MOV10L1: variants seen among roughly 807,000 people sequenced by gnomAD.
The protein encoded by MOV10L1 is Mov10 like RNA helicase 1.
MOV10L1 carries 110 observed loss-of-function variants against 143.8 expected under a neutral mutation model. That is an observed-to-expected ratio of 0.76 (90% CI 0.66 to 0.90). The LOEUF (loss-of-function observed/expected upper bound fraction) is 0.90, where lower values mean the gene tolerates loss of function less well. Among genes scored for constraint, MOV10L1 ranks in the 40% least tolerant of loss-of-function variants. MOV10L1 has a pLI of 0.00. For synonymous variants in MOV10L1, 593 were observed against 581.1 expected (o/e 1.02, Z -0.29); for missense variants, 1,406 against 1,526.8 (o/e 0.92, Z 1.32).
chr22:50,128,608 A>G lies in MOV10L1; in HGVS notation c.1910+101A>G, dbSNP rs2062583449. ...TGCCCAGGCTGGATTTCAGTGGCGCAATCTCGGCTCACTGCAACCTCCGCC... is the reference window on the plus strand; with the variant it reads ...TGCCCAGGCTGGATTTCAGTGGCGCGATCTCGGCTCACTGCAACCTCCGCC... On this transcript the variant is annotated intron_variant, in intron 13 of 26. Transcript: ENST00000262794. 1.2e-5 allele frequency: 8 copies of G among 657,112 alleles called. 1 individual carries two copies. In the East Asian group the frequency reaches 2.1e-4, roughly 17 times the overall value. 40.7% of individuals were successfully genotyped at this position (657,112 alleles called of 1,614,324 possible). A position where few individuals can be genotyped will look rare whatever the true frequency, so the allele number is the denominator to read the frequency against.
rs3736689 is a variant in MOV10L1 at position 50,134,607 on chromosome 22, A to G, written c.2047A>G (p.Ser683Gly). The G allele has an allele frequency of 2.1e-4, 336 of 1,614,250 alleles. 1 individual carries two copies. The East Asian group carries it at 6.6e-3, about 32-fold the overall frequency. The stretch of plus-strand genomic sequence containing the variant: ...GAACCATGCACAAGACACCAAAAGC[A>G]GTGGACAGTCCACCAGCAAAAAGGT... Reference protein sequence around the residue: ...NWNHAQDTKSSGQSTSKKNRK... With the variant: ...NWNHAQDTKSGGQSTSKKNRK... Residue 683 changes from serine (S) to glycine (G), a missense_variant, in exon 15 of 27, where the codon AGT becomes GGT. Around this residue, in one of 3 missense-constraint regions of MOV10L1, gnomAD observed 1,233 missense variants for 1,351.4 expected, o/e 0.91. Coordinates refer to ENST00000262794, the MANE Select transcript of MOV10L1 (RefSeq NM_018995.3).
In MOV10L1 at chr22:50,103,365, T is replaced by C. The variant is rs563120328; in HGVS notation, c.442+3763T>C. Reference sequence around the variant, plus strand: ...TTATACACGAATGTCTGGTAAACCCTCTGCCATTTGGATGAAGGCAGCTAA... The same window carrying C: ...TTATACACGAATGTCTGGTAAACCCCCTGCCATTTGGATGAAGGCAGCTAA... On this transcript the variant is annotated intron_variant, in intron 3 of 26. Transcript: ENST00000262794. Among the ~76,000 whole-genome samples, 15 of 152,314 alleles carry C rather than the reference T, an allele frequency of 9.8e-5. No homozygotes were observed. In the East Asian group the frequency reaches 2.3e-3, roughly 23 times the overall value.
intron 3 of MOV10L1, among the ~76,000 whole-genome samples, chr22:50,102,332 C>G (rs987434233): frequency 1.4e-4 from 21 of 152,240 alleles, no homozygotes; most frequent in Admixed American, 1.3e-3. Flanking sequence ...CTCCTCCCCA[C>G]AGGATGGTCG....
intron 13 of MOV10L1, among the ~76,000 whole-genome samples, chr22:50,128,805 A>C (rs1467976384): frequency 6.7e-6 from 1 of 150,078 alleles, no homozygotes; most frequent in Non-Finnish European, 1.5e-5. Context: ...GGCCTCCCAA[A>C]GTGCTGGGAT....
chr22:50,131,154 C>G (rs760244439), intron 13 of MOV10L1, among the ~76,000 whole-genome samples: 1 of 151,698 alleles, frequency 6.6e-6, no homozygotes, highest in Non-Finnish European at 1.5e-5. Flanking sequence ...GTGATCTGCC[C>G]ACCTTGGCCT....
chr22:50,160,251 TTC>T (rs1279942374), intron 24 of MOV10L1, among the ~76,000 whole-genome samples: 2 of 145,892 alleles, frequency 1.4e-5, no homozygotes, highest in Admixed American at 1.4e-4. Context: ...CTTTTTTTCT[TTC>T]TTTTTTTTTT....
intron 3 of MOV10L1, among the ~76,000 whole-genome samples, chr22:50,106,528 A>G (rs1029475361): frequency 2.0e-5 from 3 of 151,998 alleles, no homozygotes; most frequent in Non-Finnish European, 4.4e-5. Flanking sequence ...AACGTATAGA[A>G]CTAGTACATT....
At chr22:50,127,139 G>C (rs1335437436) in intron 12 of MOV10L1, among the ~76,000 whole-genome samples, 1 of 152,114 alleles carries the variant, frequency 6.6e-6, no homozygotes, top group East Asian at 1.9e-4. Flanking sequence ...GACATGAGGA[G>C]CCCAAGATGG....
chr22:50,137,849 AAT>A (rs1434538935), intron 15 of MOV10L1, among the ~76,000 whole-genome samples: 5 of 142,722 alleles, frequency 3.5e-5, no homozygotes, highest in Non-Finnish European at 7.6e-5. Context: ...TACATATATA[AAT>A]ATACATATTT....
chr22:50,096,190 T>G (rs2062584669), intron 2 of MOV10L1: 1 of 152,234 alleles, frequency 6.6e-6, no homozygotes, highest in Admixed American at 6.5e-5. Flanking sequence ...CTGTACCCAT[T>G]AAACAGTTAT....
At chr22:50,148,730 C>T (rs951173426) in intron 19 of MOV10L1, among the ~76,000 whole-genome samples, 4 of 151,000 alleles carry the variant, frequency 2.6e-5, no homozygotes, top group Admixed American at 6.6e-5. Context: ...GTGGCGCGAT[C>T]TCAGCTCACT....
In MOV10L1 at chr22:50,090,023, G is replaced by C; in HGVS notation, c.-66G>C. Reference sequence around the variant, plus strand: ...GCGACCCCATTGGTGGCGGGCGGCGGGAGCGGCGCGGGCGCGTGCGGGCGG... The same window carrying C: ...GCGACCCCATTGGTGGCGGGCGGCGCGAGCGGCGCGGGCGCGTGCGGGCGG... On this transcript the variant is annotated 5_prime_UTR_variant, in exon 1 of 27. Transcript: ENST00000262794. 8.8e-7 allele frequency: 1 copy of C among 1,142,664 alleles called. No homozygotes were observed. The allele number at this position is 1,142,664 out of a possible 1,614,324, so 70.8% of individuals were successfully genotyped here. A position where few individuals can be genotyped will look rare whatever the true frequency, so the allele number is the denominator to read the frequency against.
rs1208655018 is a variant in MOV10L1 at position 50,152,521 on chromosome 22, T to C, written c.2893-524T>C. Among the ~76,000 whole-genome samples, 1 of 152,136 alleles carries C rather than the reference T, an allele frequency of 6.6e-6. No homozygotes were observed. Among genetic ancestry groups the C allele is most frequent in the Non-Finnish European group, 1.5e-5 (1 of 68,014 alleles). ...GTCCCATGTACTGGTGATATCACAG[T>C]CACCCTCAGCCGCATCAGTGAAGTC... is the stretch of plus-strand genomic sequence containing the variant. On this transcript the variant is annotated intron_variant, in intron 21 of 26. Coordinates refer to ENST00000262794, the MANE Select transcript of MOV10L1 (RefSeq NM_018995.3). The surrounding 1 kb of genome is among the most constrained non-coding windows in gnomAD (Gnocchi z 4.4).
intron 1 of MOV10L1, 111 bp downstream of exon 1, chr22:50,090,296 G>T: frequency 6.9e-7 from 1 of 1,452,916 alleles, no homozygotes. Context: ...GGCAACGCTG[G>T]GCCCGGCCTT....
chr22:50,120,706 A>G lies in MOV10L1; in HGVS notation c.1569+90A>G, dbSNP rs2062315196. The G allele has an allele frequency of 4.4e-6, 4 of 912,046 alleles. No individual in the cohort carries two copies. The Admixed American group carries it at 8.9e-5, about 20-fold the overall frequency. The allele number at this position is 912,046 out of a possible 1,614,324, so 56.5% of individuals were successfully genotyped here. On this transcript the variant is annotated intron_variant, in intron 10 of 26. Coordinates refer to ENST00000262794, the MANE Select transcript of MOV10L1 (RefSeq NM_018995.3). ...CCAGGAGGTTCCTTCTCAGGTTCAG[A>G]CCTTCATCTGGCTTGTTTTCTTCAC...
At chr22:50,132,285 G>T (rs1454770515) in intron 13 of MOV10L1, among the ~76,000 whole-genome samples, 35 of 152,312 alleles carry the variant, frequency 2.3e-4, no homozygotes, top group African/African-American at 2.4e-5. Context: ...TTGTCTGGCT[G>T]TTCCAGGTCT....
At chr22:50,156,534 T>A (rs2063432443) in intron 22 of MOV10L1, among the ~76,000 whole-genome samples, 1 of 152,236 alleles carries the variant, frequency 6.6e-6, no homozygotes, top group Non-Finnish European at 1.5e-5. Context: ...CTTTCTTCCC[T>A]GCAGTGCCTA....
At chr22:50,141,238 A>G (rs922034179) in intron 15 of MOV10L1, among the ~76,000 whole-genome samples, 5 of 152,004 alleles carry the variant, frequency 3.3e-5, no homozygotes, top group Non-Finnish European at 5.9e-5. Flanking sequence ...GGGTTTCACC[A>G]TGTTGGCCAG....
chr22:50,106,607 AAT>A (rs1421894448), intron 3 of MOV10L1, among the ~76,000 whole-genome samples: 11 of 152,004 alleles, frequency 7.2e-5, no homozygotes, highest in Non-Finnish European at 2.9e-5. Flanking sequence ...AAATTCTGTT[AAT>A]TGTGGAATAA....
Sources: gnomAD v4.1 joint callset for allele counts (sites outside exome capture counted in the v4.1 genomes callset) on GRCh38, gnomAD v4.1.1 for gene constraint, gnomAD v4.1.1 regional missense constraint, Gnocchi (gnomAD v3.1) non-coding constraint, MANE v1.5 for transcripts, NCBI Gene and HGNC (gene_info 2026-07-23, HGNC 2026-07-21) for gene names.